The following RCAN2 variants were observed in gnomAD, a reference collection of about 807,000 sequenced individuals.
RCAN2 encodes the protein regulator of calcineurin 2, also known as calcipressin-2.
Under a neutral mutation model 23.6 loss-of-function variants are expected in RCAN2, and 9 were observed. That is an observed-to-expected ratio of 0.38 (90% CI 0.23 to 0.67). The LOEUF (loss-of-function observed/expected upper bound fraction) is 0.67, where lower values mean the gene tolerates loss of function less well. Among genes scored for constraint, RCAN2 ranks in the 30% least tolerant of loss-of-function variants. The pLI is 0.51. For missense variants in RCAN2, 273 were observed against 302.3 expected (o/e 0.90, Z 0.72); for synonymous variants, 109 against 115.7 (o/e 0.94, Z 0.37).
chr6:46,488,557 A>C lies in RCAN2; in HGVS notation c.-3+2616T>G, dbSNP rs143516728. On this transcript the variant is annotated intron_variant, in intron 1 of 4. Transcript: ENST00000371374. ...TTCTTCTCTAAAAGCAACCTTACAC[A>C]GTCTCAGAAATGAAGAGAAGTAAGA... is the stretch of plus-strand genomic sequence containing the variant. Among the ~76,000 whole-genome samples, 478 of 152,356 alleles carry C rather than the reference A, an allele frequency of 3.1e-3. 1 individual carries two copies. Among genetic ancestry groups the C allele is most frequent in the Non-Finnish European group, 4.9e-3 (335 of 68,024 alleles).
intron 2 of RCAN2, among the ~76,000 whole-genome samples, chr6:46,355,568 G>C (rs1487659708): frequency 6.6e-6 from 1 of 152,168 alleles, no homozygotes; most frequent in Non-Finnish European, 1.5e-5. Flanking sequence ...AGACCCTACA[G>C]CTTAAAATGC....
intron 2 of RCAN2, among the ~76,000 whole-genome samples, chr6:46,311,325 G>A (rs1488268237): frequency 6.6e-6 from 1 of 152,150 alleles, no homozygotes; most frequent in Non-Finnish European, 1.5e-5. Context: ...GGCTGAGGAT[G>A]GACACATCTA....
chr6:46,452,112 C>A (rs1261907721), intron 2 of RCAN2, among the ~76,000 whole-genome samples: 1 of 152,042 alleles, frequency 6.6e-6, no homozygotes, highest in Non-Finnish European at 1.5e-5. Flanking sequence ...ATCCCCAGAA[C>A]CAAATATCAT....
At chr6:46,231,181 T>C (rs180682834) in intron 4 of RCAN2, among the ~76,000 whole-genome samples, 6 of 152,182 alleles carry the variant, frequency 3.9e-5, no homozygotes, top group African/African-American at 1.2e-4. Flanking sequence ...AGCACCCTTA[T>C]AGAAAAAGGA....
At chr6:46,350,910 C>T (rs972582095) in intron 2 of RCAN2, among the ~76,000 whole-genome samples, 1 of 152,158 alleles carries the variant, frequency 6.6e-6, no homozygotes, top group African/African-American at 2.4e-5. Flanking sequence ...AACCGTGCCC[C>T]AAACTGCCTC....
chr6:46,477,596 T>C (rs960668694), intron 1 of RCAN2, among the ~76,000 whole-genome samples: 1 of 152,218 alleles, frequency 6.6e-6, no homozygotes, highest in African/African-American at 2.4e-5. Context: ...TTGCACAAAA[T>C]AGGTTCTAGA....
chr6:46,408,705 T>C (rs1471148697), intron 2 of RCAN2, among the ~76,000 whole-genome samples: 2 of 152,160 alleles, frequency 1.3e-5, no homozygotes, highest in Non-Finnish European at 2.9e-5. Context: ...CCAACCACCA[T>C]GAATACCAGA....
chr6:46,279,405 A>G (rs1447508675), intron 2 of RCAN2, among the ~76,000 whole-genome samples: 1 of 152,240 alleles, frequency 6.6e-6, no homozygotes, highest in African/African-American at 2.4e-5. Flanking sequence ...ATTTGGGTCC[A>G]GATAATTCTT....
intron 2 of RCAN2, among the ~76,000 whole-genome samples, chr6:46,304,890 G>A (rs996233097): frequency 2.0e-5 from 3 of 152,110 alleles, no homozygotes; most frequent in Non-Finnish European, 4.4e-5. Flanking sequence ...AACGGGGGGT[G>A]CCCAGTAGAA....
chr6:46,451,469 G>T (rs1011445273), intron 2 of RCAN2, among the ~76,000 whole-genome samples: 30 of 152,146 alleles, frequency 2.0e-4, no homozygotes, highest in African/African-American at 7.0e-4. Context: ...TGTGAAAAAA[G>T]TCTCAGTTTT....
At chr6:46,305,424 C>T (rs1763031504) in intron 2 of RCAN2, among the ~76,000 whole-genome samples, 1 of 151,998 alleles carries the variant, frequency 6.6e-6, no homozygotes, top group Non-Finnish European at 1.5e-5. Flanking sequence ...CTTTGCTTCC[C>T]TTCACTTGGC....
At position 46,408,596 on chromosome 6, in the gene RCAN2, G is replaced by A. The variant is rs115478151; in HGVS notation, c.225+48156C>T. Reference sequence around the variant, plus strand: ...GTGCATTGACCAAGATTTGGCTACAGATTCCTGCCACCCAAACGGAGCAAA... The same window carrying A: ...GTGCATTGACCAAGATTTGGCTACAAATTCCTGCCACCCAAACGGAGCAAA... On this transcript the variant is annotated intron_variant, in intron 2 of 4. Transcript: ENST00000371374. 6.3e-3 allele frequency among the ~76,000 whole-genome samples: 959 copies of A among 152,248 alleles called. 12 individuals carry two copies. The highest frequency in any genetic ancestry group is 0.022 in the African/African-American group (931 of 41,550).
rs539927276 is a variant in RCAN2 at position 46,259,885 on chromosome 6, A to G, written c.226-10989T>C. Reference sequence around the variant, plus strand: ...TTATTATAAAGAATACAACTCAGTAACAGTCAGATGGAAGAGATGCATAGA... The same window carrying G: ...TTATTATAAAGAATACAACTCAGTAGCAGTCAGATGGAAGAGATGCATAGA... On this transcript the variant is annotated intron_variant, in intron 2 of 4. Coordinates refer to ENST00000371374, the MANE Select transcript of RCAN2 (RefSeq NM_001251974.2). 5.9e-5 allele frequency among the ~76,000 whole-genome samples: 9 copies of G among 152,332 alleles called. No homozygotes were observed. In the South Asian group the frequency reaches 1.9e-3, roughly 32 times the overall value.
intron 4 of RCAN2, among the ~76,000 whole-genome samples, chr6:46,235,253 G>A (rs993306030): frequency 2.0e-5 from 3 of 152,144 alleles, no homozygotes; most frequent in Non-Finnish European, 4.4e-5. Flanking sequence ...CTCTATGATG[G>A]AAGGAAGGGG....
intron 2 of RCAN2, among the ~76,000 whole-genome samples, chr6:46,282,454 G>T (rs1238004538): frequency 7.0e-6 from 1 of 142,102 alleles, no homozygotes; most frequent in Non-Finnish European, 1.5e-5. Context: ...TCCAGCCTGG[G>T]TGACAGAGCA....
intron 2 of RCAN2, among the ~76,000 whole-genome samples, chr6:46,398,919 T>C (rs1428369712): frequency 6.6e-6 from 1 of 150,676 alleles, no homozygotes; most frequent in African/African-American, 2.4e-5. Context: ...TAAATATATA[T>C]ATATATACAT....
intron 2 of RCAN2, among the ~76,000 whole-genome samples, chr6:46,401,905 G>A (rs7759488): frequency 0.049 from 7,456 of 152,238 alleles, 351 homozygotes; most frequent in South Asian, 0.13. Flanking sequence ...CAGGACACTT[G>A]TGAAAGACAG....
At chr6:46,232,621 C>T (rs1224090375) in intron 4 of RCAN2, among the ~76,000 whole-genome samples, 1 of 151,856 alleles carries the variant, frequency 6.6e-6, no homozygotes, top group African/African-American at 2.4e-5. Flanking sequence ...GGGAAACCCC[C>T]ACCTCTACTA....
At chr6:46,484,815 C>G (rs542209575) in intron 1 of RCAN2, among the ~76,000 whole-genome samples, 211 of 152,306 alleles carry the variant, frequency 1.4e-3, no homozygotes, top group Non-Finnish European at 2.4e-3. Context: ...CTTCAACTCC[C>G]TAAAAGAAAG....
Sources: gnomAD v4.1 joint callset for allele counts (sites outside exome capture counted in the v4.1 genomes callset) on GRCh38, gnomAD v4.1.1 for gene constraint, MANE v1.5 for transcripts, NCBI Gene and HGNC (gene_info 2026-07-23, HGNC 2026-07-21) for gene names.